The following PLAT variants were observed in gnomAD, a reference collection of about 807,000 sequenced individuals.
PLAT encodes the protein plasminogen activator, tissue type.
A neutral mutation model predicts 74.9 loss-of-function variants in PLAT; 48 were observed. The observed-to-expected ratio is 0.64, with a 90% CI of 0.51 to 0.82. The LOEUF (loss-of-function observed/expected upper bound fraction) is 0.82. Ranked by LOEUF, PLAT falls within the 40% of genes least tolerant of loss-of-function variation. The probability of loss-of-function intolerance (pLI) is 0.00; values close to 1 mark genes in which losing one functional copy is unlikely to be tolerated. For missense variants in PLAT, 673 were observed against 736.2 expected (o/e 0.91, Z 0.99); for synonymous variants, 307 against 294.4 (o/e 1.04, Z -0.44).
At chr8:42,179,104 T>C (rs750035977) in intron 12 of PLAT, 41 bp from the exon 13 acceptor site, 17 of 1,505,870 alleles carry the variant, frequency 1.1e-5, no homozygotes, top group African/African-American at 4.2e-5. Flanking sequence ...GGGAAAGTTA[T>C]TTATAAACGT....
intron 1 of PLAT, among the ~76,000 whole-genome samples, chr8:42,199,727 C>G (rs923772095): frequency 1.3e-5 from 2 of 152,202 alleles, no homozygotes; most frequent in African/African-American, 2.4e-5. Context: ...AAACCCTGTC[C>G]TAATACACTT....
intron 1 of PLAT, among the ~76,000 whole-genome samples, chr8:42,195,289 C>G (rs905697870): frequency 2.0e-5 from 3 of 152,174 alleles, no homozygotes; most frequent in African/African-American, 7.2e-5. Flanking sequence ...ACAGATTCTC[C>G]CCGGGCTCCT....
rs115525140 is a variant in PLAT, at chr8:42,201,882, C to T, written c.-27+5612G>A. ...AATTGGAGCTTCCCAGAAAAAAACC[C>T]TTCGCTTTCTCTCAGTAGCCCAGGT... On this transcript the variant is annotated intron_variant, in intron 1 of 13. Transcript: ENST00000220809. Among the ~76,000 whole-genome samples the T allele has an allele frequency of 5.3e-3, 803 of 152,294 alleles. 5 individuals are homozygous for T. The highest frequency in any genetic ancestry group is 0.018 in the African/African-American group (763 of 41,566).
intron 1 of PLAT, among the ~76,000 whole-genome samples, chr8:42,205,401 C>A (rs1806292384): frequency 6.6e-6 from 1 of 152,180 alleles, no homozygotes; most frequent in Admixed American, 6.5e-5. Flanking sequence ...GTGGCAGGCG[C>A]CTGTAATCCC....
chr8:42,196,269 G>T (rs969630026), intron 1 of PLAT, among the ~76,000 whole-genome samples: 3 of 152,156 alleles, frequency 2.0e-5, no homozygotes, highest in African/African-American at 7.2e-5. Flanking sequence ...AAGAGAGCAG[G>T]AGCATATTTT....
intron 12 of PLAT, among the ~76,000 whole-genome samples, 180 bp downstream of exon 12, chr8:42,179,746 A>G (rs532148578): frequency 6.6e-6 from 1 of 152,300 alleles, no homozygotes; most frequent in Admixed American, 6.5e-5. Context: ...CCTGGCCTGC[A>G]GTGTCCCTGT....
chr8:42,195,582 G>A (rs1473660326), intron 1 of PLAT: 1 of 152,226 alleles, frequency 6.6e-6, no homozygotes, highest in Admixed American at 6.5e-5. Context: ...AGAAGAAAGG[G>A]AGTCAGGAGC....
intron 1 of PLAT, among the ~76,000 whole-genome samples, chr8:42,206,956 G>A (rs973524275): frequency 1.3e-5 from 2 of 152,146 alleles, no homozygotes; most frequent in Non-Finnish European, 2.9e-5. Context: ...GTAATGTGGG[G>A]TGTGAAAGCC....
At chr8:42,183,412 A>T (rs565190720) in intron 7 of PLAT, among the ~76,000 whole-genome samples, 1 of 152,320 alleles carries the variant, frequency 6.6e-6, no homozygotes. Context: ...GTCTGGGGAC[A>T]TCTTCAGGTT....
At chr8:42,188,868 T>G (rs1805582851) in intron 4 of PLAT, 66 bp downstream of exon 4, 1 of 1,435,934 alleles carries the variant, frequency 7.0e-7, no homozygotes, top group Non-Finnish European at 9.7e-7. Context: ...CCAGCGACCC[T>G]CCCACCTTGG....
At chr8:42,206,030 C>T (rs546606611) in intron 1 of PLAT, among the ~76,000 whole-genome samples, 1 of 152,304 alleles carries the variant, frequency 6.6e-6, no homozygotes, top group East Asian at 1.9e-4. Flanking sequence ...ACTGCTATTC[C>T]CAGCTATTCC....
At chr8:42,198,641 C>T (rs1200742395) in intron 1 of PLAT, among the ~76,000 whole-genome samples, 1 of 152,186 alleles carries the variant, frequency 6.6e-6, no homozygotes, top group Non-Finnish European at 1.5e-5. Flanking sequence ...GAAACGTGAG[C>T]AAGCTAGAGG....
At chr8:42,193,972 C>T (rs1198251455) in intron 1 of PLAT, among the ~76,000 whole-genome samples, 1 of 151,812 alleles carries the variant, frequency 6.6e-6, no homozygotes, top group East Asian at 1.9e-4. Flanking sequence ...CCTTGGCCTC[C>T]CAAAGTGGTG....
chr8:42,188,971 G>A lies in PLAT; in HGVS notation c.216C>T (p.Asn72=), dbSNP rs143804913. ...CTGAGTGGCACTGTGCCCTGCCACT[G>A]TTGCACCAGCAATATTCCACCCGGT... ...RSNRVEYCWC[N]SGRAQCHSVP... is the part of the protein sequence containing the mutation. The change falls in exon 4 of 14, where the codon AAC becomes AAT. Residue 72 remains asparagine, a synonymous_variant. Coordinates refer to ENST00000220809, the MANE Select transcript of PLAT (RefSeq NM_000930.5). The A allele has an allele frequency of 4.7e-5, 76 of 1,613,844 alleles. No individual in the cohort carries two copies. Among genetic ancestry groups the A allele is most frequent in the Non-Finnish European group, 6.1e-5 (72 of 1,179,922 alleles).
chr8:42,183,159 A>G (rs1175132374), intron 7 of PLAT, among the ~76,000 whole-genome samples: 1 of 152,106 alleles, frequency 6.6e-6, no homozygotes, highest in African/African-American at 2.4e-5. Flanking sequence ...ATGCGCCACC[A>G]TGCTACGCTA....
intron 1 of PLAT, among the ~76,000 whole-genome samples, chr8:42,202,632 T>C (rs1406925047): frequency 2.0e-5 from 3 of 151,890 alleles, no homozygotes; most frequent in Non-Finnish European, 2.9e-5. Context: ...TGGCACAGGC[T>C]CTGGTGATGC....
chr8:42,195,389 G>C (rs1018648102), intron 1 of PLAT, among the ~76,000 whole-genome samples: 3 of 152,188 alleles, frequency 2.0e-5, no homozygotes, highest in Non-Finnish European at 2.9e-5. Context: ...ACAGCTCAGA[G>C]GGAGGCTCGC....
chr8:42,183,366 C>T (rs545483295), intron 7 of PLAT, among the ~76,000 whole-genome samples: 1 of 152,252 alleles, frequency 6.6e-6, no homozygotes, highest in African/African-American at 2.4e-5. Context: ...TCATCTCCAC[C>T]GGAAGTGGCT....
chr8:42,191,878 G>A (rs1464691253), intron 2 of PLAT, among the ~76,000 whole-genome samples: 2 of 151,982 alleles, frequency 1.3e-5, no homozygotes, highest in East Asian at 1.9e-4. Flanking sequence ...TTGGACTTCC[G>A]TGAGGCCCTT....
Sources: gnomAD v4.1 joint callset for allele counts (sites outside exome capture counted in the v4.1 genomes callset) on GRCh38, gnomAD v4.1.1 for gene constraint, MANE v1.5 for transcripts, NCBI Gene and HGNC (gene_info 2026-07-23, HGNC 2026-07-21) for gene names.